ALK: variants seen among roughly 807,000 people sequenced by gnomAD.
ALK encodes the protein ALK tyrosine kinase receptor.
ALK carries 74 observed loss-of-function variants against 163.1 expected under a neutral mutation model. The ratio of observed to expected loss-of-function variants is 0.45; its 90% CI spans 0.38 to 0.55. The LOEUF (loss-of-function observed/expected upper bound fraction) is 0.55, where lower values mean the gene tolerates loss of function less well. ALK is among the 20% of genes least tolerant of loss of function. The pLI, the probability that ALK is intolerant of heterozygous loss-of-function variation, is 0.00. For missense variants in ALK, 2,063 were observed against 2,105.3 expected (o/e 0.98, Z 0.39); for synonymous variants, 960 against 843.2 (o/e 1.14, Z -2.40).
intron 1 of ALK, among the ~76,000 whole-genome samples, chr2:29,776,486 C>G (rs1193561771): frequency 6.6e-6 from 1 of 152,160 alleles, no homozygotes; most frequent in Non-Finnish European, 1.5e-5. Context: ...ACCTCCTGCA[C>G]CACTTTGGTC....
chr2:29,669,342 T>C (rs189317912), intron 3 of ALK, among the ~76,000 whole-genome samples: 355 of 152,202 alleles, frequency 2.3e-3, no homozygotes, highest in African/African-American at 8.0e-3. Flanking sequence ...CCCTTTACTT[T>C]ATATAGTAAG....
intron 3 of ALK, among the ~76,000 whole-genome samples, chr2:29,680,324 C>T (rs1199736028): frequency 2.0e-5 from 3 of 152,038 alleles, no homozygotes; most frequent in African/African-American, 7.2e-5. Context: ...TATTATAACA[C>T]TTCATGTTGT....
At chr2:29,649,217 TGAGAGA>T (rs141534978) in intron 3 of ALK, among the ~76,000 whole-genome samples, 41 of 147,536 alleles carry the variant, frequency 2.8e-4, no homozygotes, top group African/African-American at 7.0e-4. Flanking sequence ...TGTGTGTATG[TGAGAGA>T]GAGAGAGAGA....
Position 29,740,092 on chromosome 2 carries a change from C to A in ALK, c.668-22395G>T, listed in dbSNP as rs1680011081. Among the ~76,000 whole-genome samples, 4 of 152,036 alleles carry A rather than the reference C, an allele frequency of 2.6e-5. 1 individual carries two copies. Among genetic ancestry groups the A allele is most frequent in the African/African-American group, 9.7e-5 (4 of 41,318 alleles). On this transcript the variant is annotated intron_variant, in intron 1 of 28. Transcript: ENST00000389048. ...TACTCATTCCCTAGTTTAGTAGAACCTCAGAGAGCTACTGCATTCTGATGT... is the reference window on the plus strand; with the variant it reads ...TACTCATTCCCTAGTTTAGTAGAACATCAGAGAGCTACTGCATTCTGATGT...
At chr2:29,596,536 A>C (rs1675220728) in intron 3 of ALK, among the ~76,000 whole-genome samples, 1 of 152,164 alleles carries the variant, frequency 6.6e-6, no homozygotes, top group Non-Finnish European at 1.5e-5. Flanking sequence ...GAAACAATAG[A>C]GATTCAGAAT....
intron 1 of ALK, among the ~76,000 whole-genome samples, chr2:29,822,655 G>A (rs4132594): frequency 0.75 from 114,767 of 152,098 alleles, 43,785 homozygotes; most frequent in Non-Finnish European, 0.81. Flanking sequence ...ATTGACAAAA[G>A]GATTCCTTCC....
intron 3 of ALK, among the ~76,000 whole-genome samples, chr2:29,569,198 C>T (rs1169563371): frequency 3.9e-5 from 6 of 152,102 alleles, no homozygotes; most frequent in South Asian, 2.1e-4. Flanking sequence ...TCATCCTGCC[C>T]GTCTCAAGGA....
At chr2:29,331,420 C>T (rs1667435882) in intron 5 of ALK, among the ~76,000 whole-genome samples, 2 of 152,206 alleles carry the variant, frequency 1.3e-5, no homozygotes, top group South Asian at 4.2e-4. Context: ...GGAATCAATC[C>T]CCCACTGTAT....
chr2:29,452,301 G>C (rs182145462), intron 4 of ALK, among the ~76,000 whole-genome samples: 27 of 149,450 alleles, frequency 1.8e-4, no homozygotes, highest in African/African-American at 6.4e-4. Context: ...CCTAGAGTGT[G>C]TTTCTCTTAG....
intron 8 of ALK, among the ~76,000 whole-genome samples, chr2:29,306,027 C>T (rs1666500078): frequency 6.6e-6 from 1 of 151,806 alleles, no homozygotes; most frequent in African/African-American, 2.4e-5. Flanking sequence ...GCTCACTTGC[C>T]TGCCACTCAC....
At position 29,520,322 on chromosome 2, in the gene ALK, A is replaced by T. The variant is rs112390483; in HGVS notation, c.1154+11593T>A. On this transcript the variant is annotated intron_variant, in intron 4 of 28. Coordinates refer to ENST00000389048, the MANE Select transcript of ALK (RefSeq NM_004304.5). ...TCAAGAGCATTATAGATGCATTCTT[A>T]AAACCATGTCGCAAGTTTTCAAAGA... Among the ~76,000 whole-genome samples, 1,029 of 152,362 alleles carry T rather than the reference A, an allele frequency of 6.8e-3. 10 individuals carry two copies. The highest frequency in any genetic ancestry group is 0.023 in the African/African-American group (967 of 41,582).
At chr2:29,215,420 G>A (rs1322097481) in intron 23 of ALK, among the ~76,000 whole-genome samples, 7 of 152,198 alleles carry the variant, frequency 4.6e-5, no homozygotes, top group African/African-American at 1.7e-4. Flanking sequence ...GGAGACAACT[G>A]AGAGTGGATA....
At chr2:29,247,134 A>G (rs1002583416) in intron 12 of ALK, among the ~76,000 whole-genome samples, 1 of 151,988 alleles carries the variant, frequency 6.6e-6, no homozygotes, top group South Asian at 2.1e-4. Flanking sequence ...CCTCCGCGGC[A>G]GCGCCTTTTA....
chr2:29,340,117 C>T (rs1442380354), intron 5 of ALK, among the ~76,000 whole-genome samples: 1 of 152,166 alleles, frequency 6.6e-6, no homozygotes, highest in African/African-American at 2.4e-5. Flanking sequence ...TAAATGACCT[C>T]TGTGTCTATT....
chr2:29,875,270 A>G (rs1666675497), intron 1 of ALK, among the ~76,000 whole-genome samples: 1 of 152,216 alleles, frequency 6.6e-6, no homozygotes, highest in Non-Finnish European at 1.5e-5. Flanking sequence ...ATGGGGAGTC[A>G]TTGCTTAATG....
At chr2:29,437,556 T>C (rs1481692136) in intron 4 of ALK, among the ~76,000 whole-genome samples, 1 of 152,112 alleles carries the variant, frequency 6.6e-6, no homozygotes, top group Non-Finnish European at 1.5e-5. Context: ...CCAAAATGAG[T>C]TACTCCTGCT....
At chr2:29,685,737 G>T (rs1256413596) in intron 3 of ALK, among the ~76,000 whole-genome samples, 3 of 152,176 alleles carry the variant, frequency 2.0e-5, no homozygotes, top group African/African-American at 4.8e-5. Context: ...ACCAGAAAGT[G>T]GGGGGCTGAA....
At chr2:29,767,454 G>A (rs1227758738) in intron 1 of ALK, among the ~76,000 whole-genome samples, 1 of 152,210 alleles carries the variant, frequency 6.6e-6, no homozygotes, top group Admixed American at 6.5e-5. Flanking sequence ...AAACCCATCA[G>A]TCCCTGGAAA....
Position 29,729,820 on chromosome 2 carries a change from G to GA in ALK, c.668-12124dup, listed in dbSNP as rs886721610. ...CTTTCGGTTTTACTATAGAAAATCT[G>GA]AAAAAAAATCAAGAAGATCTAAAGG... On this transcript the variant is annotated intron_variant, in intron 1 of 28. Transcript: ENST00000389048. Among the ~76,000 whole-genome samples, 18 of 151,944 alleles carry GA rather than the reference G, an allele frequency of 1.2e-4. No individual in the cohort carries two copies. In the South Asian group the frequency reaches 2.1e-3, roughly 18 times the overall value.
Sources: allele counts gnomAD v4.1 joint callset (sites outside exome capture counted in the v4.1 genomes callset), GRCh38; gene constraint gnomAD v4.1.1; transcripts MANE v1.5; gene names NCBI Gene and HGNC (gene_info 2026-07-23, HGNC 2026-07-21).